The following DNAJC9 variants were observed in gnomAD, a reference collection of about 807,000 sequenced individuals.
DNAJC9 encodes the protein dnaJ homolog subfamily C member 9.
DNAJC9 carries 18 observed loss-of-function variants against 32.4 expected under a neutral mutation model. The observed-to-expected ratio is 0.56, with a 90% CI of 0.38 to 0.82. The LOEUF is 0.82. DNAJC9 is among the 40% of genes least tolerant of loss of function. The pLI is 0.00. For synonymous variants in DNAJC9, 113 were observed against 122.1 expected, an observed-to-expected ratio of 0.93 and a Z score of 0.49; for missense variants, 310 against 321.8, an observed-to-expected ratio of 0.96 and a Z score of 0.28.
downstream of DNAJC9, chr10:73,234,531 T>C: frequency 3.0e-6 from 1 of 336,344 alleles, no homozygotes; most frequent in Non-Finnish European, 5.5e-6. Context: ...AGCAGAGAAG[T>C]GCAATACCAG....
Position 73,242,711 on chromosome 10 carries a change from T to C in DNAJC9, c.*689A>G, listed in dbSNP as rs1449644306. The C allele has an allele frequency of 1.3e-4, 20 of 152,192 alleles. No homozygotes were observed. Among genetic ancestry groups the C allele is most frequent in the Admixed American group, 1.3e-3 (20 of 15,270 alleles). 9.4% of individuals were successfully genotyped at this position (152,192 alleles called of 1,614,324 possible). ...TCTTCATGCTAGGGAAACCAGGCTCTCTATTATAAAGCTGACCAGGGCTAT... is the reference window on the plus strand; with the variant it reads ...TCTTCATGCTAGGGAAACCAGGCTCCCTATTATAAAGCTGACCAGGGCTAT... On this transcript the variant is annotated 3_prime_UTR_variant, in exon 5 of 5. Transcript: ENST00000372950.
Position 73,243,208 on chromosome 10 carries a change from A to C in DNAJC9, c.*192T>G, listed in dbSNP as rs1678841281. ...GTTCCTTCAGGTGAGACCTCACACA[A>C]TGTCAAGTGCTTTCTAGGAAATACT... is the stretch of plus-strand genomic sequence containing the variant. On this transcript the variant is annotated 3_prime_UTR_variant, in exon 5 of 5. Coordinates refer to ENST00000372950, the MANE Select transcript of DNAJC9 (RefSeq NM_015190.5). 1.7e-6 allele frequency: 1 copy of C among 598,456 alleles called. No individual in the cohort carries two copies. Among genetic ancestry groups the C allele is most frequent in the Non-Finnish European group, 2.9e-6 (1 of 348,874 alleles). 37.1% of individuals were successfully genotyped at this position (598,456 alleles called of 1,614,324 possible). A position where few individuals can be genotyped will look rare whatever the true frequency, so the allele number is the denominator to read the frequency against.
At chr10:73,245,659 G>A (rs1156363984) in intron 3 of DNAJC9, among the ~76,000 whole-genome samples, 1 of 151,950 alleles carries the variant, frequency 6.6e-6, no homozygotes, top group Non-Finnish European at 1.5e-5. Flanking sequence ...ACAAGAATTG[G>A]CCTACATGAA....
chr10:73,245,874 CT>C, intron 3 of DNAJC9, 47 bp downstream of exon 3: 1 of 1,595,586 alleles, frequency 6.3e-7, no homozygotes. Flanking sequence ...CTCTCAAATC[CT>C]TTTTGGAAGC....
At chr10:73,241,165 C>G, downstream of DNAJC9, 1 of 636,564 alleles carries the variant, frequency 1.6e-6, no homozygotes. Flanking sequence ...GACCGAAGAA[C>G]AAAACACCAT....
chr10:73,246,939 G>A, intron 1 of DNAJC9, 71 bp downstream of exon 1: 3 of 1,571,476 alleles, frequency 1.9e-6, no homozygotes, highest in East Asian at 4.5e-5. Context: ...CCCCCGGGGC[G>A]GGGCCCGGTA....
Position 73,242,769 on chromosome 10 carries a change from T to C in DNAJC9, c.*631A>G, listed in dbSNP as rs17738368. ...CCCTTTTCTCTCATCCTAAACACCATTCATATTTTTCCTAGGTCACATTTT... is the reference window on the plus strand; with the variant it reads ...CCCTTTTCTCTCATCCTAAACACCACTCATATTTTTCCTAGGTCACATTTT... On this transcript the variant is annotated 3_prime_UTR_variant, in exon 5 of 5. Transcript: ENST00000372950. 9,430 of 152,288 alleles carry C rather than the reference T, an allele frequency of 0.062. 394 individuals are homozygous for C. The highest frequency in any genetic ancestry group is 0.099 in the Non-Finnish European group (6,716 of 68,064). 9.4% of individuals were successfully genotyped at this position (152,288 alleles called of 1,614,324 possible).
intron 3 of DNAJC9, chr10:73,244,166 T>G: frequency 1.9e-6 from 1 of 519,918 alleles, no homozygotes; most frequent in Non-Finnish European, 3.4e-6. Context: ...CTAGAGGTAG[T>G]AAGTACTCTG....
chr10:73,246,140 A>T lies in DNAJC9; in HGVS notation c.358T>A (p.Tyr120Asn), dbSNP rs1205418599. The T allele has an allele frequency of 6.2e-7, 1 of 1,613,316 alleles. No homozygotes were observed. The highest frequency in any genetic ancestry group is 1.1e-5 in the South Asian group (1 of 90,836). ...LEDIQAFEKT[Y>N]KGSEEELADI... is the part of the protein sequence containing the mutation. ...GCCAGCTCTTCTTCCGAACCTTTGT[A>T]TGTCTTTTCAAAAGCTTGAATGTCC... Residue 120 changes from tyrosine (Y) to asparagine (N), a missense_variant, in exon 3 of 5, where the codon TAC becomes AAC. Coordinates refer to ENST00000372950, the MANE Select transcript of DNAJC9 (RefSeq NM_015190.5).
downstream of DNAJC9, chr10:73,234,437 T>G (rs2043777183): frequency 5.0e-6 from 1 of 200,554 alleles, no homozygotes; most frequent in Non-Finnish European, 1.0e-5. Flanking sequence ...ACCCGAGAAC[T>G]ATAGTTATTA....
At chr10:73,240,902 C>A, downstream of DNAJC9, 1 of 1,174,010 alleles carries the variant, frequency 8.5e-7, no homozygotes, top group South Asian at 1.3e-5. Flanking sequence ...GAGTGATTAT[C>A]AAACCTAGAC....
chr10:73,238,654 CT>C (rs2043877050), downstream of DNAJC9: 1 of 152,196 alleles, frequency 6.6e-6, no homozygotes, highest in African/African-American at 2.4e-5. Flanking sequence ...TTGCTGACCC[CT>C]GATCTCTAAA....
At chr10:73,234,929 C>A, downstream of DNAJC9, 1 of 1,551,986 alleles carries the variant, frequency 6.4e-7, no homozygotes, top group Non-Finnish European at 8.7e-7. Context: ...TGTGGGGCCA[C>A]AAAGACAGAT....
chr10:73,234,631 AG>A (rs2043781615), downstream of DNAJC9: 2 of 633,640 alleles, frequency 3.2e-6, no homozygotes, highest in South Asian at 2.0e-5. Context: ...AAACAAAATC[AG>A]AAAACACTAT....
downstream of DNAJC9, chr10:73,235,228 G>A (rs776002381): frequency 1.7e-5 from 26 of 1,551,628 alleles, no homozygotes; most frequent in Non-Finnish European, 2.1e-5. Context: ...CTCAAAGTGC[G>A]GTGGTGGATG....
At chr10:73,235,146 A>G (rs2043793852), downstream of DNAJC9, 4 of 1,543,460 alleles carry the variant, frequency 2.6e-6, no homozygotes, top group Middle Eastern at 1.7e-4. Flanking sequence ...TACATACCAC[A>G]TTACAGATAG....
chr10:73,247,139 G>A lies in DNAJC9; in HGVS notation c.51C>T (p.Tyr17=). The A allele has an allele frequency of 6.3e-7, 1 of 1,596,114 alleles. No homozygotes were observed. Among genetic ancestry groups the A allele is most frequent in the Non-Finnish European group, 8.5e-7 (1 of 1,172,250 alleles). The change falls in exon 1 of 5, where the codon TAC becomes TAT. Residue 17 remains tyrosine, a synonymous_variant. Coordinates refer to ENST00000372950, the MANE Select transcript of DNAJC9 (RefSeq NM_015190.5). ...CEEVFGTADL[Y]RVLGVRREAS... is the part of the protein sequence containing the mutation. ...CCTCGCGTCGCACGCCCAGCACCCG[G>A]TAAAGGTCGGCGGTGCCGAACACTT... is the stretch of plus-strand genomic sequence containing the variant.
At chr10:73,244,708 C>T (rs1270854042) in intron 3 of DNAJC9, among the ~76,000 whole-genome samples, 1 of 151,306 alleles carries the variant, frequency 6.6e-6, no homozygotes, top group East Asian at 1.9e-4. Flanking sequence ...AAGCAGCCTT[C>T]CTTTGCCAAG....
downstream of DNAJC9, among the ~76,000 whole-genome samples, chr10:73,237,934 T>C (rs919048226): frequency 1.3e-5 from 2 of 152,112 alleles, no homozygotes; most frequent in African/African-American, 2.4e-5. Flanking sequence ...ACTGAACAGA[T>C]GAAAATGTTT....
Sources: allele counts gnomAD v4.1 joint callset (sites outside exome capture counted in the v4.1 genomes callset), GRCh38; gene constraint gnomAD v4.1.1; transcripts MANE v1.5; gene names NCBI Gene and HGNC (gene_info 2026-07-23, HGNC 2026-07-21).